Variants in TNNT3 observed in about 807,000 individuals in gnomAD.
TNNT3 encodes the protein troponin T3, fast skeletal type, also known as troponin T, fast skeletal muscle.
TNNT3 carries 36 observed loss-of-function variants against 54.2 expected under a neutral mutation model. That is an observed-to-expected ratio of 0.66 (90% confidence interval 0.51 to 0.88). The LOEUF (loss-of-function observed/expected upper bound fraction) is 0.88. Ranked by LOEUF, TNNT3 falls within the 40% of genes least tolerant of loss-of-function variation. TNNT3 has a pLI of 0.00. For missense variants in TNNT3, 291 were observed against 331.6 expected, an observed-to-expected ratio of 0.88 and a Z score of 0.95; for synonymous variants, 120 against 109.7, an observed-to-expected ratio of 1.09 and a Z score of -0.59.
chr11:1,932,333 T>C, intron 8 of TNNT3, 136 bp from the exon 9 acceptor site: 1 of 819,820 alleles, frequency 1.2e-6, no homozygotes, highest in Non-Finnish European at 2.2e-6. Flanking sequence ...AACGTGTCAC[T>C]AGGCGGGCAT....
intron 6 of TNNT3, among the ~76,000 whole-genome samples, chr11:1,927,115 C>T (rs1329938206): frequency 6.6e-6 from 1 of 151,988 alleles, no homozygotes; most frequent in African/African-American, 2.4e-5. Flanking sequence ...CCCCAGTTAG[C>T]AAGCCAGAAG....
At chr11:1,926,842 G>A (rs1235388743) in intron 6 of TNNT3, 133 bp downstream of exon 6, 2 of 1,225,200 alleles carry the variant, frequency 1.6e-6, no homozygotes, top group Admixed American at 1.8e-5. Context: ...TCTGGGCTGG[G>A]GACAGAGTGA....
At chr11:1,924,039 T>G (rs1850819861) in intron 4 of TNNT3, among the ~76,000 whole-genome samples, 2 of 152,116 alleles carry the variant, frequency 1.3e-5, no homozygotes, top group African/African-American at 4.8e-5. Context: ...TCTTGGCAAC[T>G]TTGTCTCTCT....
Position 1,934,352 on chromosome 11 carries a change from G to A in TNNT3, c.387G>A (p.Glu129=). The change falls in exon 12 of 16, where the codon GAG becomes GAA. Residue 129 remains glutamate (E), a synonymous_variant. Transcript: ENST00000278317. ...NRLAEEKARR[E]EEDAKRRAED... is the part of the protein sequence containing the mutation. ...CACAGGAGGAAAAGGCCAGAAGGGA[G>A]GAGGAGGATGCCAAGAGGAGGGCAG... is the stretch of plus-strand genomic sequence containing the variant. 1 of 1,613,928 alleles carries A rather than the reference G, an allele frequency of 6.2e-7. No individual in the cohort carries two copies.
At chr11:1,936,591 G>A (rs913158711) in intron 14 of TNNT3, among the ~76,000 whole-genome samples, 3 of 152,228 alleles carry the variant, frequency 2.0e-5, no homozygotes, top group Admixed American at 6.5e-5. Context: ...GCTGAAGGGA[G>A]CTGGAGCTGA....
At chr11:1,931,197 C>A (rs183296863) in intron 8 of TNNT3, among the ~76,000 whole-genome samples, 6 of 152,306 alleles carry the variant, frequency 3.9e-5, no homozygotes, top group Admixed American at 3.3e-4. Flanking sequence ...CCTAACCATT[C>A]CCCTATTGCA....
In TNNT3 at chr11:1,935,342, A is replaced by G. The variant is rs560906545; in HGVS notation, c.681+423A>G. ...GCGTCCTTTCGACAGAGCCTCCTCCACAAACCCAGACTCTGGCTTCCACCA... is the reference window on the plus strand; with the variant it reads ...GCGTCCTTTCGACAGAGCCTCCTCCGCAAACCCAGACTCTGGCTTCCACCA... On this transcript the variant is annotated intron_variant, in intron 14 of 15. Coordinates refer to ENST00000278317, the MANE Select transcript of TNNT3 (RefSeq NM_006757.4). The G allele has an allele frequency of 9.5e-6, 3 of 315,498 alleles. No homozygotes were observed. The East Asian group carries it at 2.4e-4, about 26-fold the overall frequency. The allele number at this position is 315,498 out of a possible 1,614,324, so 19.5% of individuals were successfully genotyped here.
At chr11:1,922,784 A>T in intron 1 of TNNT3, 73 bp from the exon 2 acceptor site, 2 of 1,484,422 alleles carry the variant, frequency 1.3e-6, no homozygotes, top group Non-Finnish European at 1.9e-6. Flanking sequence ...CCCATCCCCC[A>T]TCCTACACCC....
chr11:1,930,684 A>T (rs948536229), intron 8 of TNNT3, among the ~76,000 whole-genome samples: 2 of 152,136 alleles, frequency 1.3e-5, no homozygotes, highest in African/African-American at 4.8e-5. Context: ...GTTGGCTCCC[A>T]CTTGGGGAGC....
At chr11:1,933,478 G>T (rs1368103382) in intron 9 of TNNT3, among the ~76,000 whole-genome samples, 1 of 152,208 alleles carries the variant, frequency 6.6e-6, no homozygotes. Flanking sequence ...AGGACCTTAT[G>T]GCTGGGCACC....
intron 14 of TNNT3, chr11:1,936,118 G>A (rs1854944059): frequency 7.0e-7 from 1 of 1,430,012 alleles, no homozygotes; most frequent in Admixed American, 1.7e-5. Flanking sequence ...AGGGGCTCCA[G>A]AGCCTGGAGG....
intron 7 of TNNT3, 131 bp downstream of exon 7, chr11:1,929,274 G>A (rs952408980): frequency 3.0e-5 from 36 of 1,219,336 alleles, no homozygotes; most frequent in South Asian, 6.1e-5. Context: ...CCCCTGGCAC[G>A]GGGGCCTCGG....
rs995030269 is a variant in TNNT3 at position 1,932,325 on chromosome 11, C to G, written c.126-144C>G. 1.8e-5 allele frequency: 14 copies of G among 799,440 alleles called. No homozygotes were observed. In the African/African-American group the frequency reaches 2.2e-4, roughly 12 times the overall value. The allele number at this position is 799,440 out of a possible 1,614,324, so 49.5% of individuals were successfully genotyped here. On this transcript the variant is annotated intron_variant, in intron 8 of 15. Coordinates refer to ENST00000278317, the MANE Select transcript of TNNT3 (RefSeq NM_006757.4). ...CTCATAAGAATAAAGCTGGGGCAAA[C>G]GTGTCACTAGGCGGGCATGCTTGGC...
chr11:1,921,255 A>G (rs1346036339), intron 1 of TNNT3: 1 of 152,212 alleles, frequency 6.6e-6, no homozygotes, highest in Non-Finnish European at 1.5e-5. Context: ...CGCTGCCCCC[A>G]TCTTGTGGCA....
chr11:1,936,081 G>A, intron 14 of TNNT3: 1 of 953,568 alleles, frequency 1.0e-6, no homozygotes, highest in Non-Finnish European at 1.6e-6. Context: ...CACTGGCTTT[G>A]GATAGATGCG....
chr11:1,934,756 CAGG>C, intron 13 of TNNT3, 70 bp from the exon 14 acceptor site: 1 of 1,594,214 alleles, frequency 6.3e-7, no homozygotes, highest in Non-Finnish European at 8.6e-7. Context: ...CCAGTGGCTG[CAGG>C]AGGACTCCAG....
intron 6 of TNNT3, chr11:1,927,775 T>C (rs1449762470): frequency 6.6e-6 from 1 of 152,352 alleles, no homozygotes; most frequent in Non-Finnish European, 1.5e-5. Flanking sequence ...CTGGCCGGCC[T>C]TCCCACCCGG....
At chr11:1,928,834 C>G (rs1589939335) in intron 6 of TNNT3, 649 of 25,184 alleles carry the variant, frequency 0.026, 266 homozygotes, top group East Asian at 0.25. Context: ...TGCCCTTAGC[C>G]CCCCACCTTG....
intron 15 of TNNT3, among the ~76,000 whole-genome samples, chr11:1,937,543 C>T (rs966699600): frequency 6.6e-6 from 1 of 152,174 alleles, no homozygotes; most frequent in Non-Finnish European, 1.5e-5. Flanking sequence ...AGCTACTCGA[C>T]CACCTGCATG....
Sources: gnomAD v4.1 joint callset for allele counts (sites outside exome capture counted in the v4.1 genomes callset) on GRCh38, gnomAD v4.1.1 for gene constraint, MANE v1.5 for transcripts, NCBI Gene and HGNC (gene_info 2026-07-23, HGNC 2026-07-21) for gene names.